The following CYP4F8 variants were observed in gnomAD, a reference collection of about 807,000 sequenced individuals.
The protein encoded by CYP4F8 is cytochrome P450 family 4 subfamily F member 8, also known as cytochrome P450 4F8.
In CYP4F8, 56 loss-of-function variants were observed where a neutral mutation model predicts 55.0. That is an observed-to-expected ratio of 1.02 (90% CI 0.82 to 1.27). The LOEUF (loss-of-function observed/expected upper bound fraction) is 1.27, where lower values mean the gene tolerates loss of function less well. Ranked by LOEUF, CYP4F8 falls within the 50% of genes most tolerant of loss-of-function variation. The pLI is 0.00. For synonymous variants in CYP4F8, 288 were observed against 267.3 expected (o/e 1.08, Z -0.76); for missense variants, 680 against 682.4 (o/e 1.00, Z 0.04).
At chr19:15,623,519 A>G (rs1385150932) in intron 7 of CYP4F8, 144 bp downstream of exon 7, 2 of 1,047,676 alleles carry the variant, frequency 1.9e-6, no homozygotes, top group Non-Finnish European at 2.6e-6. Flanking sequence ...GATAAATTTT[A>G]GAGGTGATTG....
chr19:15,628,941 TAGGG>T, intron 12 of CYP4F8, 98 bp downstream of exon 12: 1 of 1,382,432 alleles, frequency 7.2e-7, no homozygotes. Context: ...GTTTCTGTGA[TAGGG>T]GTTTTAAAGA....
intron 9 of CYP4F8, among the ~76,000 whole-genome samples, chr19:15,625,504 G>A (rs888701546): frequency 6.6e-6 from 1 of 150,794 alleles, no homozygotes; most frequent in Admixed American, 6.6e-5. Context: ...GTATATATAT[G>A]GTTTTATTTG....
chr19:15,628,362 T>C lies in CYP4F8; in HGVS notation c.1176T>C (p.His392=), dbSNP rs1599864548. Residue 392 remains histidine (H), a synonymous_variant, in exon 10 of 13, where the codon CAT becomes CAC. Transcript: ENST00000612078. Reference sequence around the variant, plus strand: ...GCCTGAAGGAGAGCCTGCGGTTGCATCCCCCAATCCCTACATTCGCCCGCG... The same window carrying C: ...GCCTGAAGGAGAGCCTGCGGTTGCACCCCCCAATCCCTACATTCGCCCGCG... ...TMCLKESLRL[H]PPIPTFARGC... The C allele has an allele frequency of 6.2e-7, 1 of 1,613,926 alleles. No individual in the cohort carries two copies. The highest frequency in any genetic ancestry group is 1.3e-5 in the African/African-American group (1 of 74,938).
Position 15,624,175 on chromosome 19 carries a change from G to A in CYP4F8, c.1115+81G>A, listed in dbSNP as rs138376394. On this transcript the variant is annotated intron_variant, in intron 9 of 12. Coordinates refer to ENST00000612078, the MANE Select transcript of CYP4F8 (RefSeq NM_007253.4). ...GTTCTTCTCCCCAGGTGGGGGAAAA[G>A]GGGAGGATCTTTTTGATGATTCTGC... The A allele has an allele frequency of 7.6e-3, 11,829 of 1,558,654 alleles. 53 individuals carry two copies. The highest frequency in any genetic ancestry group is 9.4e-3 in the Non-Finnish European group (10,782 of 1,150,726).
intron 7 of CYP4F8, 120 bp downstream of exon 7, chr19:15,623,495 G>T (rs1188628714): frequency 1.9e-5 from 28 of 1,450,112 alleles, no homozygotes; most frequent in Non-Finnish European, 2.5e-5. Flanking sequence ...CTCGAAGAAG[G>T]GAGGGACAAG....
intron 9 of CYP4F8, 21 bp downstream of exon 9, chr19:15,624,115 C>CTCTGCCTT (rs768429639): frequency 2.1e-5 from 33 of 1,609,120 alleles, no homozygotes; most frequent in African/African-American, 2.7e-5. Context: ...GTGCTGGTGG[C>CTCTGCCTT]TCTGCCTTTC....
At chr19:15,618,928 A>T in intron 3 of CYP4F8, 1 of 169,740 alleles carries the variant, frequency 5.9e-6, no homozygotes, top group South Asian at 1.4e-4. Context: ...GGAGAGCAGC[A>T]GAAGGGGTAT....
chr19:15,618,243 CCCTT>C, intron 3 of CYP4F8, 99 bp downstream of exon 3: 1 of 1,559,568 alleles, frequency 6.4e-7, no homozygotes, highest in South Asian at 1.1e-5. Context: ...AGTACTCAGC[CCCTT>C]CCTTCCTGCT....
chr19:15,623,871 C>G lies in CYP4F8; in HGVS notation c.986-94C>G, dbSNP rs1283762082. 47 of 1,595,376 alleles carry G rather than the reference C, an allele frequency of 2.9e-5. No homozygotes were observed. In the South Asian group the frequency reaches 5.2e-4, roughly 18 times the overall value. Reference sequence around the variant, plus strand: ...TCATTCTGCCCAACCTCCCCCTCCCCTCAACCTTCCTGAGAGCCTCAATGT... The same window carrying G: ...TCATTCTGCCCAACCTCCCCCTCCCGTCAACCTTCCTGAGAGCCTCAATGT... On this transcript the variant is annotated intron_variant, in intron 8 of 12. Transcript: ENST00000612078.
chr19:15,615,628 G>A lies in CYP4F8; in HGVS notation c.12G>A (p.Leu4=). The change falls in exon 2 of 13, where the codon CTG becomes CTA. Residue 4 remains leucine, a synonymous_variant. Coordinates refer to ENST00000612078, the MANE Select transcript of CYP4F8 (RefSeq NM_007253.4). MSL[L]SLSWLGLRPV... is the part of the protein sequence containing the mutation. ...GTCTGCCCTGCAGGATGTCGCTGCT[G>A]AGCCTGTCTTGGCTGGGCCTCAGGC... is the stretch of plus-strand genomic sequence containing the variant. 1 of 1,613,664 alleles carries A rather than the reference G, an allele frequency of 6.2e-7. No homozygotes were observed. The highest frequency in any genetic ancestry group is 1.3e-5 in the African/African-American group (1 of 75,038).
At chr19:15,619,319 C>A in intron 3 of CYP4F8, 171 bp from the exon 4 acceptor site, 1 of 662,598 alleles carries the variant, frequency 1.5e-6, no homozygotes, top group Non-Finnish European at 2.6e-6. Flanking sequence ...CAGCCTAGTC[C>A]GGTCCCCTTT....
At chr19:15,615,845 CAGGGTGGA>C (rs1396562808) in intron 2 of CYP4F8, 31 bp downstream of exon 2, 3 of 1,582,040 alleles carry the variant, frequency 1.9e-6, no homozygotes, top group Non-Finnish European at 1.7e-6. Context: ...TCTAGTGTCT[CAGGGTGGA>C]AGGGTGGAAA....
chr19:15,626,935 A>G (rs1240357876), intron 9 of CYP4F8, among the ~76,000 whole-genome samples: 1 of 152,138 alleles, frequency 6.6e-6, no homozygotes, highest in Non-Finnish European at 1.5e-5. Context: ...CAGTGGTCTG[A>G]ACAACTTCCA....
chr19:15,615,997 T>TC (rs1972112897), intron 2 of CYP4F8, among the ~76,000 whole-genome samples, 183 bp downstream of exon 2: 33 of 81,274 alleles, frequency 4.1e-4, no homozygotes, highest in Non-Finnish European at 8.0e-4. Flanking sequence ...ACTCACTCAT[T>TC]CTCCTCACTC....
Position 15,623,209 on chromosome 19 carries a change from C to T in CYP4F8, c.752C>T (p.Pro251Leu), listed in dbSNP as rs1272486877. The change falls in exon 7 of 13, where the codon CCC (proline) becomes CTC (leucine). Residue 251 changes from proline (P) to leucine (L), a missense_variant. Pro to Leu is a moderately conservative substitution (Grantham distance 98, BLOSUM62 -3). Coordinates refer to ENST00000612078, the MANE Select transcript of CYP4F8 (RefSeq NM_007253.4). ...AAGGACTTCCTGTACTTCCTCACTC[C>T]CTGTGGACGGCGCTTCCACAGGGCC... is the stretch of plus-strand genomic sequence containing the variant. ...RYKDFLYFLT[P>L]CGRRFHRACR... 6.2e-7 allele frequency: 1 copy of T among 1,614,054 alleles called. No individual in the cohort carries two copies. Among genetic ancestry groups the T allele is most frequent in the South Asian group, 1.1e-5 (1 of 91,074 alleles).
chr19:15,626,638 T>TATCTATC (rs1231828869), intron 9 of CYP4F8, among the ~76,000 whole-genome samples: 10 of 152,110 alleles, frequency 6.6e-5, no homozygotes, highest in East Asian at 1.9e-4. Flanking sequence ...TCTATCTATC[T>TATCTATC]ATCTATCTTA....
chr19:15,622,479 GGAGAGA>G, intron 6 of CYP4F8, 139 bp downstream of exon 6: 1 of 1,218,450 alleles, frequency 8.2e-7, no homozygotes, highest in Non-Finnish European at 1.1e-6. Context: ...AAGGAGAGAA[GGAGAGA>G]GAGAGAGAGC....
intron 3 of CYP4F8, chr19:15,618,643 G>A (rs985337319): frequency 7.0e-6 from 2 of 284,660 alleles, no homozygotes; most frequent in Non-Finnish European, 1.4e-5. Flanking sequence ...AGTATTCAAG[G>A]CTCCGGGCCA....
chr19:15,615,678 TC>T lies in CYP4F8; in HGVS notation c.64del (p.Leu22CysfsTer53). 1 of 1,613,878 alleles carries T rather than the reference TC, an allele frequency of 6.2e-7. No individual in the cohort carries two copies. Among genetic ancestry groups the T allele is most frequent in the East Asian group, 2.2e-5 (1 of 44,866 alleles). ...LRPVAASPWL[L>X]LLVVGASWLL... ...CCGGTGGCAGCATCCCCGTGGCTGCTCCTGCTGGTGGTCGGGGCCTCCTGGC... is the reference window on the plus strand; with the variant it reads ...CCGGTGGCAGCATCCCCGTGGCTGCTCTGCTGGTGGTCGGGGCCTCCTGGC... On this transcript the variant is annotated frameshift_variant, in exon 2 of 13. Coordinates refer to ENST00000612078, the MANE Select transcript of CYP4F8 (RefSeq NM_007253.4). LOFTEE classifies it high-confidence loss of function.
Sources: allele counts gnomAD v4.1 joint callset (sites outside exome capture counted in the v4.1 genomes callset), GRCh38; gene constraint gnomAD v4.1.1; transcripts MANE v1.5; gene names NCBI Gene and HGNC (gene_info 2026-07-23, HGNC 2026-07-21).